DHODH: variants seen among roughly 807,000 people sequenced by gnomAD.
DHODH encodes dihydroorotate dehydrogenase (quinone), mitochondrial.
A neutral mutation model predicts 39.7 loss-of-function variants in DHODH; 30 were observed. The observed-to-expected ratio is 0.76, with a 90% CI of 0.57 to 1.02. The LOEUF (loss-of-function observed/expected upper bound fraction) is 1.02, where lower values mean the gene tolerates loss of function less well. Ranked by LOEUF, DHODH falls within the 50% of genes least tolerant of loss-of-function variation. The pLI is 0.00. For missense variants in DHODH, 531 were observed against 520.8 expected (o/e 1.02, Z -0.19); for synonymous variants, 222 against 213.8 (o/e 1.04, Z -0.34).
intron 4 of DHODH, chr16:72,020,452 T>A (rs1321089879): frequency 6.7e-6 from 1 of 150,326 alleles, no homozygotes; most frequent in Non-Finnish European, 1.5e-5. Context: ...TCACGGTTCA[T>A]TGGAGCCTCA....
At chr16:72,011,797 C>A (rs986635980) in intron 1 of DHODH, among the ~76,000 whole-genome samples, 1 of 152,176 alleles carries the variant, frequency 6.6e-6, no homozygotes, top group African/African-American at 2.4e-5. Context: ...ACCACGATCA[C>A]CCTAGGGGAC....
At chr16:72,009,741 C>T (rs2041062817) in intron 1 of DHODH, among the ~76,000 whole-genome samples, 1 of 151,646 alleles carries the variant, frequency 6.6e-6, no homozygotes, top group Non-Finnish European at 1.5e-5. Context: ...CGGCCTCCTG[C>T]GTAGCTGAGA....
rs2041147643 is a variant in DHODH at position 72,016,933 on chromosome 16, T to G, written c.435-91T>G. The G allele has an allele frequency of 6.5e-6, 8 of 1,230,296 alleles. No individual in the cohort carries two copies. The South Asian group carries it at 9.8e-5, about 15-fold the overall frequency. 76.2% of individuals were successfully genotyped at this position (1,230,296 alleles called of 1,614,324 possible). On this transcript the variant is annotated intron_variant, in intron 3 of 8. Transcript: ENST00000219240. ...AGTGTAAGAACTGACTGTGATTTTT[T>G]TTTTTCTCTTGTTTGAAAAAGTCCT...
intron 4 of DHODH, among the ~76,000 whole-genome samples, chr16:72,018,544 T>C (rs1251136339): frequency 6.6e-6 from 1 of 152,184 alleles, no homozygotes; most frequent in Non-Finnish European, 1.5e-5. Flanking sequence ...TTCTCCTCGG[T>C]GTCTGCAGTG....
intron 4 of DHODH, 76 bp from the exon 5 acceptor site, chr16:72,021,048 T>C: frequency 6.9e-7 from 1 of 1,456,622 alleles, no homozygotes; most frequent in Admixed American, 2.0e-5. Flanking sequence ...CCACAGGTGG[T>C]TTGGTCAAGG....
In DHODH at chr16:72,017,028, G is replaced by A; in HGVS notation, c.439G>A (p.Gly147Arg). 6.2e-7 allele frequency: 1 copy of A among 1,613,922 alleles called. No individual in the cohort carries two copies. The highest frequency in any genetic ancestry group is 8.5e-7 in the Non-Finnish European group (1 of 1,179,936). Residue 147 changes from glycine to arginine, a missense_variant, in exon 4 of 9, where the codon GGA becomes AGA. Transcript: ENST00000219240. ...PEDQAVINRY[G>R]FNSHGLSVVE... ...CCGTGTGCTTGTGCTCTGCAGGTATGGATTTAACAGTCACGGGCTTTCAGT... is the reference window on the plus strand; with the variant it reads ...CCGTGTGCTTGTGCTCTGCAGGTATAGATTTAACAGTCACGGGCTTTCAGT...
chr16:72,019,236 G>A (rs971674736), intron 4 of DHODH, among the ~76,000 whole-genome samples: 1 of 152,142 alleles, frequency 6.6e-6, no homozygotes, highest in Non-Finnish European at 1.5e-5. Context: ...GATTACAGGC[G>A]TGAGCTGCTG....
At chr16:72,012,845 G>A (rs1460106649) in intron 2 of DHODH, among the ~76,000 whole-genome samples, 1 of 152,224 alleles carries the variant, frequency 6.6e-6, no homozygotes, top group Non-Finnish European at 1.5e-5. Flanking sequence ...AGGGCAGGAA[G>A]AGGGTGTGTA....
rs975159858 is a variant in DHODH at position 72,025,267 on chromosome 16, A to G, written c.*1068A>G. On this transcript the variant is annotated 3_prime_UTR_variant, in exon 9 of 9. Transcript: ENST00000219240. ...GTCCTCCCAGACTTTTCCCCTGCAT[A>G]AAGATGTTCATTTTGTACATACACT... 6.6e-6 allele frequency: 1 copy of G among 152,210 alleles called. No homozygotes were observed. Among genetic ancestry groups the G allele is most frequent in the Non-Finnish European group, 1.5e-5 (1 of 68,050 alleles). 9.4% of individuals were successfully genotyped at this position (152,210 alleles called of 1,614,324 possible).
chr16:72,008,879 G>A (rs1289460454), intron 1 of DHODH, 94 bp downstream of exon 1: 1 of 1,549,606 alleles, frequency 6.5e-7, no homozygotes, highest in African/African-American at 1.4e-5. Context: ...GACCGAAGGC[G>A]GCTCCGGGAG....
intron 4 of DHODH, among the ~76,000 whole-genome samples, chr16:72,017,701 C>T (rs955904168): frequency 6.7e-6 from 1 of 150,342 alleles, no homozygotes; most frequent in Non-Finnish European, 1.5e-5. Flanking sequence ...CACTTGAACT[C>T]AGGAGTTTAA....
chr16:72,008,845 G>A, intron 1 of DHODH, 60 bp downstream of exon 1: 2 of 1,551,886 alleles, frequency 1.3e-6, no homozygotes, highest in South Asian at 2.4e-5. Context: ...GGCGAGAACG[G>A]AGAGTCAGGC....
At position 72,024,783 on chromosome 16, in the gene DHODH, C is replaced by T. The variant is rs2041261721; in HGVS notation, c.*584C>T. ...AGGAGTTGGAGACCAGCCAGGCCAC[C>T]ATGGTGAAACCCTGTCTCTACCAAA... On this transcript the variant is annotated 3_prime_UTR_variant, in exon 9 of 9. Transcript: ENST00000219240. 6.5e-6 allele frequency: 1 copy of T among 153,374 alleles called. No homozygotes were observed. The highest frequency in any genetic ancestry group is 1.5e-5 in the Non-Finnish European group (1 of 68,800). The allele number at this position is 153,374 out of a possible 1,614,324, so 9.5% of individuals were successfully genotyped here. A position where few individuals can be genotyped will look rare whatever the true frequency, so the allele number is the denominator to read the frequency against.
intron 8 of DHODH, among the ~76,000 whole-genome samples, 197 bp from the exon 9 acceptor site, chr16:72,023,947 CA>C (rs1259771329): frequency 6.6e-6 from 1 of 152,184 alleles, no homozygotes; most frequent in African/African-American, 2.4e-5. Context: ...TGGGAGCTGT[CA>C]ATACTTAAAA....
chr16:72,016,767 C>A, intron 3 of DHODH: 1 of 451,524 alleles, frequency 2.2e-6, no homozygotes. Context: ...GGGGATCCAG[C>A]AGGTCTGGGG....
intron 1 of DHODH, 77 bp from the exon 2 acceptor site, chr16:72,011,973 G>A: frequency 8.4e-7 from 1 of 1,194,660 alleles, no homozygotes; most frequent in African/African-American, 1.5e-5. Context: ...TGCCCTCTGT[G>A]TACCTGGGTG....
intron 6 of DHODH, 67 bp downstream of exon 6, chr16:72,022,542 G>T: frequency 1.5e-6 from 2 of 1,317,638 alleles, no homozygotes; most frequent in South Asian, 2.5e-5. Context: ...GGCCAGCTGG[G>T]CTAGCCCAGA....
Position 72,023,274 on chromosome 16 carries a change from A to G in DHODH, c.929A>G (p.Asp310Gly), listed in dbSNP as rs769578224. Residue 310 changes from aspartate to glycine, a missense_variant, in exon 7 of 9, where the codon GAT (aspartate) becomes GGT (glycine). Transcript: ENST00000219240. The part of the protein sequence containing the change: ...TGGLSGKPLR[D>G]LSTQTIREMY... The stretch of plus-strand genomic sequence containing the variant: ...GGGCTGAGTGGGAAGCCCCTCCGGG[A>G]TTTATCAACTCAAACCATTCGGGAG... 1 of 1,613,972 alleles carries G rather than the reference A, an allele frequency of 6.2e-7. No homozygotes were observed. The highest frequency in any genetic ancestry group is 8.5e-7 in the Non-Finnish European group (1 of 1,180,042).
At chr16:72,013,333 T>G (rs1216931972) in intron 2 of DHODH, among the ~76,000 whole-genome samples, 1 of 152,064 alleles carries the variant, frequency 6.6e-6, no homozygotes, top group African/African-American at 2.4e-5. Context: ...GAGTGAATAA[T>G]GAGTGGGGTG....
Sources: allele counts gnomAD v4.1 joint callset (sites outside exome capture counted in the v4.1 genomes callset), GRCh38; gene constraint gnomAD v4.1.1; transcripts MANE v1.5; gene names NCBI Gene and HGNC (gene_info 2026-07-23, HGNC 2026-07-21).